Variants in RPTOR observed in about 807,000 individuals in gnomAD.
RPTOR encodes the protein regulatory associated protein of MTOR complex 1, also known as regulatory-associated protein of mTOR.
RPTOR carries 21 observed loss-of-function variants against 169.9 expected under a neutral mutation model. That is an observed-to-expected ratio of 0.12 (90% CI 0.09 to 0.18). The LOEUF (loss-of-function observed/expected upper bound fraction) is 0.18. RPTOR is among the 10% of genes least tolerant of loss of function. The pLI is 1.00. For synonymous variants in RPTOR, 732 were observed against 753.2 expected, an observed-to-expected ratio of 0.97 and a Z score of 0.46; for missense variants, 1,133 against 1,855.9, an observed-to-expected ratio of 0.61 and a Z score of 7.16.
At chr17:80,929,141 G>T (rs1487569907) in intron 24 of RPTOR, among the ~76,000 whole-genome samples, 1 of 152,200 alleles carries the variant, frequency 6.6e-6, no homozygotes, top group Non-Finnish European at 1.5e-5. Flanking sequence ...TAAAATGATG[G>T]ATCCATGGGT....
chr17:80,629,262 T>A (rs956054904), intron 2 of RPTOR, among the ~76,000 whole-genome samples: 1 of 152,080 alleles, frequency 6.6e-6, no homozygotes, highest in Admixed American at 6.5e-5. Context: ...CAGCTCTCTA[T>A]GTATTGTGCT....
At chr17:80,656,111 C>T (rs2065677517) in intron 3 of RPTOR, among the ~76,000 whole-genome samples, 1 of 152,150 alleles carries the variant, frequency 6.6e-6, no homozygotes, top group African/African-American at 2.4e-5. Flanking sequence ...TGCTCTGTCA[C>T]CCAGGCTGGG....
chr17:80,829,924 G>A (rs998606142), intron 9 of RPTOR, among the ~76,000 whole-genome samples: 1 of 152,202 alleles, frequency 6.6e-6, no homozygotes, highest in African/African-American at 2.4e-5. Flanking sequence ...CTCTGGGGTA[G>A]GTTTTCAGCA....
rs150562917 is a variant in RPTOR at position 80,734,363 on chromosome 17, C to T, written c.654+3657C>T. Among the ~76,000 whole-genome samples, 1,264 of 152,268 alleles carry T rather than the reference C, an allele frequency of 8.3e-3. 16 individuals are homozygous for T. The highest frequency in any genetic ancestry group is 0.028 in the African/African-American group (1,160 of 41,540). On this transcript the variant is annotated intron_variant, in intron 5 of 33. Coordinates refer to ENST00000306801, the MANE Select transcript of RPTOR (RefSeq NM_020761.3). ...CTCCCCTTTGTAATTCTCCAGGATC[C>T]GTCCCTGTGTCTAGATCCCACTTCT...
At chr17:80,829,305 G>A (rs1471764824) in intron 9 of RPTOR, among the ~76,000 whole-genome samples, 6 of 152,210 alleles carry the variant, frequency 3.9e-5, no homozygotes, top group South Asian at 2.1e-4. Flanking sequence ...GCAGAAAGAC[G>A]GGGCTGGTGT....
chr17:80,793,688 C>T (rs928770625), intron 7 of RPTOR, among the ~76,000 whole-genome samples: 5 of 152,194 alleles, frequency 3.3e-5, no homozygotes, highest in East Asian at 3.8e-4. Flanking sequence ...GTGGCTACTC[C>T]GGACAGAGCC....
At chr17:80,682,649 G>A (rs750663290) in intron 3 of RPTOR, among the ~76,000 whole-genome samples, 13 of 152,244 alleles carry the variant, frequency 8.5e-5, no homozygotes, top group Non-Finnish European at 1.2e-4. Context: ...CAGAGGGAGC[G>A]TGGCCCTGCT....
rs2066579312 is a variant in RPTOR, at chr17:80,746,719, C to G, written c.655-7291C>G. ...CACTGTTCACAAGCTTGGCCAATCACAAGCACTCAGCCTTACACGCAGGCC... is the reference window on the plus strand; with the variant it reads ...CACTGTTCACAAGCTTGGCCAATCAGAAGCACTCAGCCTTACACGCAGGCC... On this transcript the variant is annotated intron_variant, in intron 5 of 33. Coordinates refer to ENST00000306801, the MANE Select transcript of RPTOR (RefSeq NM_020761.3). The surrounding 1 kb of genome is among the most constrained non-coding windows in gnomAD (Gnocchi z 4.5). Among the ~76,000 whole-genome samples, 2 of 152,174 alleles carry G rather than the reference C, an allele frequency of 1.3e-5. No homozygotes were observed. Among genetic ancestry groups the G allele is most frequent in the African/African-American group, 4.8e-5 (2 of 41,428 alleles).
chr17:80,654,176 T>C (rs35675302), intron 3 of RPTOR, among the ~76,000 whole-genome samples: 61,401 of 151,364 alleles, frequency 0.41, 12,568 homozygotes, highest in Middle Eastern at 0.47. Flanking sequence ...GGCCAGGGGG[T>C]CGCACCCTCA....
rs2066862988 is a variant in RPTOR, at chr17:80,773,340, T to C, written c.831-18110T>C. On this transcript the variant is annotated intron_variant, in intron 6 of 33. Transcript: ENST00000306801. ...CTCTGCAGTTGCAGCTACATCACAC[T>C]CTGGTAAATAGCGCCTCTGGCAGTG... Among the ~76,000 whole-genome samples the C allele has an allele frequency of 3.3e-5, 5 of 152,374 alleles. No individual in the cohort carries two copies. In the South Asian group the frequency reaches 1.0e-3, roughly 32 times the overall value.
chr17:80,630,696 C>T (rs559992861), intron 2 of RPTOR, among the ~76,000 whole-genome samples: 37 of 152,364 alleles, frequency 2.4e-4, no homozygotes, highest in African/African-American at 8.7e-4. Flanking sequence ...CTGAGTGCTA[C>T]GGCCTGGCCC....
intron 13 of RPTOR, among the ~76,000 whole-genome samples, chr17:80,866,388 A>T: frequency 6.6e-6 from 1 of 152,194 alleles, no homozygotes; most frequent in Non-Finnish European, 1.5e-5. Context: ...CTTCCACCTG[A>T]AGAGGGCAGC....
intron 6 of RPTOR, among the ~76,000 whole-genome samples, chr17:80,772,240 A>C (rs1371271166): frequency 6.6e-6 from 1 of 152,176 alleles, no homozygotes; most frequent in Admixed American, 6.5e-5. Flanking sequence ...TTTAAAAAAT[A>C]AATGTACATC....
intron 2 of RPTOR, among the ~76,000 whole-genome samples, chr17:80,632,823 GAGATA>G (rs1216750876): frequency 6.6e-6 from 1 of 152,132 alleles, no homozygotes; most frequent in Non-Finnish European, 1.5e-5. Flanking sequence ...TTATTTTTGT[GAGATA>G]AGACCTTACT....
intron 3 of RPTOR, among the ~76,000 whole-genome samples, chr17:80,662,949 G>A (rs1231138438): frequency 6.6e-6 from 1 of 152,202 alleles, no homozygotes; most frequent in African/African-American, 2.4e-5. Context: ...AATGGGTGAG[G>A]GCAGCCGCCT....
intron 9 of RPTOR, among the ~76,000 whole-genome samples, chr17:80,833,921 G>A (rs983586708): frequency 2.0e-5 from 3 of 152,200 alleles, no homozygotes; most frequent in African/African-American, 4.8e-5. Context: ...CCCGGGAGGC[G>A]GAGGTTGCAG....
chr17:80,571,431 C>T (rs566621623), intron 1 of RPTOR, among the ~76,000 whole-genome samples: 45 of 152,236 alleles, frequency 3.0e-4, no homozygotes, highest in African/African-American at 1.1e-3. Context: ...TTTCAGTACC[C>T]TAGGACTTCT....
In RPTOR at chr17:80,609,488, G is replaced by A. The variant is rs1361298744; in HGVS notation, c.163-16203G>A. ...TGGCTGGGCAGGGTGGCTCACACCT[G>A]TAATCCCAGCATTTTGGGAGGCTGA... On this transcript the variant is annotated intron_variant, in intron 1 of 33. Transcript: ENST00000306801. The surrounding 1 kb of genome is among the most constrained non-coding windows in gnomAD (Gnocchi z 4.8). Among the ~76,000 whole-genome samples, 6 of 152,342 alleles carry A rather than the reference G, an allele frequency of 3.9e-5. No individual in the cohort carries two copies. In the East Asian group the frequency reaches 5.8e-4, roughly 15 times the overall value.
At chr17:80,604,306 G>A (rs1207698928) in intron 1 of RPTOR, among the ~76,000 whole-genome samples, 1 of 152,226 alleles carries the variant, frequency 6.6e-6, no homozygotes, top group Non-Finnish European at 1.5e-5. Context: ...CTTATGTGCT[G>A]TGCAGATACA....
Sources: gnomAD v4.1 joint callset for allele counts (sites outside exome capture counted in the v4.1 genomes callset) on GRCh38, gnomAD v4.1.1 for gene constraint, Gnocchi (gnomAD v3.1) non-coding constraint, MANE v1.5 for transcripts, NCBI Gene and HGNC (gene_info 2026-07-23, HGNC 2026-07-21) for gene names.